ZNF184: variants seen among roughly 807,000 people sequenced by gnomAD.
ZNF184 encodes the protein zinc finger protein 184 (Kruppel-like).
A neutral mutation model predicts 54.4 loss-of-function variants in ZNF184; 16 were observed. The ratio of observed to expected loss-of-function variants is 0.29; its 90% CI spans 0.20 to 0.45. ZNF184 has a LOEUF of 0.45. Ranked by LOEUF, ZNF184 falls within the 20% of genes least tolerant of loss-of-function variation. ZNF184 has a pLI of 1.00. For missense variants in ZNF184, 681 were observed against 888.2 expected (o/e 0.77, Z 2.97); for synonymous variants, 254 against 295.3 (o/e 0.86, Z 1.43).
the ZNF184 span, among the ~76,000 whole-genome samples, chr6:27,442,856 AAGAAAG>A: frequency 2.5e-3 from 187 of 74,200 alleles, 20 homozygotes; most frequent in African/African-American, 7.7e-3. Flanking sequence ...GAAAGAAAGA[AAGAAAG>A]AAAGAAAGAA....
Position 27,456,860 on chromosome 6 carries a change from G to C in ZNF184, c.264C>G (p.Ile88Met). 6.2e-7 allele frequency: 1 copy of C among 1,614,130 alleles called. No homozygotes were observed. The highest frequency in any genetic ancestry group is 8.5e-7 in the Non-Finnish European group (1 of 1,180,018). ...SQLEQGTEPW[I>M]MEPSIPVGTC... Reference sequence around the variant, plus strand: ...TACCTACTGGAATGCTTGGCTCCATGATCCATGGCTCTGTCCCTTGCTCTA... The same window carrying C: ...TACCTACTGGAATGCTTGGCTCCATCATCCATGGCTCTGTCCCTTGCTCTA... Residue 88 changes from isoleucine (I) to methionine (M), a missense_variant, in exon 5 of 6, where the codon ATC becomes ATG. Transcript: ENST00000683788.
the ZNF184 span, among the ~76,000 whole-genome samples, chr6:27,423,740 A>T: frequency 3.3e-5 from 5 of 152,204 alleles, no homozygotes; most frequent in African/African-American, 1.2e-4. Context: ...TATACAAAGA[A>T]AGATTATGTG....
the ZNF184 span, among the ~76,000 whole-genome samples, chr6:27,417,787 GAACACTA>G: frequency 6.6e-6 from 1 of 152,148 alleles, no homozygotes; most frequent in Non-Finnish European, 1.5e-5. Flanking sequence ...TAGAAAACCT[GAACACTA>G]AACTATGTAT....
chr6:27,441,510 T>C, the ZNF184 span, among the ~76,000 whole-genome samples: 1 of 152,202 alleles, frequency 6.6e-6, no homozygotes, highest in Non-Finnish European at 1.5e-5. Flanking sequence ...CCACTGTATC[T>C]GGCCAGAACA....
chr6:27,452,674 TTGAG>T lies in ZNF184; in HGVS notation c.881_884del (p.Thr294AsnfsTer116). 1.2e-6 allele frequency: 2 copies of T among 1,613,988 alleles called. No homozygotes were observed. The highest frequency in any genetic ancestry group is 1.7e-6 in the Non-Finnish European group (2 of 1,179,974). ...TTTCTCCAGTATGAATTCTTTGATG[TTGAG>T]TAAGAGATGGACCCTCAATGAAGCC... is the stretch of plus-strand genomic sequence containing the variant. On this transcript the variant is annotated frameshift_variant, in exon 6 of 6. Transcript: ENST00000683788. LOFTEE classifies it high-confidence loss of function. The surrounding 1 kb of genome is among the most constrained non-coding windows in gnomAD (Gnocchi z 5.5).
the ZNF184 span, among the ~76,000 whole-genome samples, chr6:27,433,437 C>T: frequency 6.6e-6 from 1 of 152,184 alleles, no homozygotes; most frequent in African/African-American, 2.4e-5. Flanking sequence ...GCTGAGCAAT[C>T]ACCACTGTTC....
intron 3 of ZNF184, among the ~76,000 whole-genome samples, chr6:27,460,356 A>G (rs924555691): frequency 1.3e-5 from 2 of 152,224 alleles, no homozygotes; most frequent in African/African-American, 4.8e-5. Flanking sequence ...ATATTAAATC[A>G]TTAGGACTTT....
At chr6:27,416,683 C>A in the ZNF184 span, among the ~76,000 whole-genome samples, 1 of 152,188 alleles carries the variant, frequency 6.6e-6, no homozygotes, top group Non-Finnish European at 1.5e-5. Context: ...GAGTGTCAGC[C>A]TTTGCCAGTC....
the ZNF184 span, among the ~76,000 whole-genome samples, chr6:27,435,930 C>T: frequency 2.0e-5 from 3 of 152,104 alleles, no homozygotes; most frequent in African/African-American, 7.2e-5. Context: ...TCTTTATTTC[C>T]ATCTTGTGTC....
the ZNF184 span, among the ~76,000 whole-genome samples, chr6:27,439,150 A>T: frequency 6.6e-6 from 1 of 152,184 alleles, no homozygotes; most frequent in African/African-American, 2.4e-5. Context: ...TGAATGATTC[A>T]TAAGTACTTT....
At chr6:27,424,882 C>T in the ZNF184 span, among the ~76,000 whole-genome samples, 16 of 152,170 alleles carry the variant, frequency 1.1e-4, no homozygotes, top group Non-Finnish European at 2.2e-4. Context: ...CAGGGGGTGG[C>T]GCTCGTCGGG....
the ZNF184 span, among the ~76,000 whole-genome samples, chr6:27,423,857 T>C: frequency 6.6e-6 from 1 of 152,272 alleles, no homozygotes; most frequent in African/African-American, 2.4e-5. Flanking sequence ...AATGTAATTT[T>C]GAATTCTTAT....
rs1266931161 is a variant in ZNF184 at position 27,451,465 on chromosome 6, A to G, written c.2094T>C (p.Tyr698=). Reference sequence around the variant, plus strand: ...AAGTCTTTCTGCATTCATTACAGTTATAAGGTTTCTCTCCAGTATGAGTAT... The same window carrying G: ...AAGTCTTTCTGCATTCATTACAGTTGTAAGGTTTCTCTCCAGTATGAGTAT... ...HQNTHTGEKP[Y]NCNECRKTFS... is the part of the protein sequence containing the mutation. The change falls in exon 6 of 6, where the codon TAT becomes TAC. Residue 698 remains tyrosine, a synonymous_variant. Coordinates refer to ENST00000683788, the MANE Select transcript of ZNF184 (RefSeq NM_001318891.2). 1.2e-6 allele frequency: 2 copies of G among 1,614,010 alleles called. No individual in the cohort carries two copies. Among genetic ancestry groups the G allele is most frequent in the Admixed American group, 3.3e-5 (2 of 60,000 alleles).
In ZNF184 at chr6:27,457,386, C is replaced by G; in HGVS notation, c.99G>C (p.Val33=). The G allele has an allele frequency of 6.2e-7, 1 of 1,613,970 alleles. No individual in the cohort carries two copies. Among genetic ancestry groups the G allele is most frequent in the Non-Finnish European group, 8.5e-7 (1 of 1,179,926 alleles). The part of the protein sequence containing the change: ...SFQEAVTFKD[V]IVDFTQEEWK... The stretch of plus-strand genomic sequence containing the variant: ...ATTCTTCCTGGGTAAAGTCCACTAT[C>G]ACATCCTTGAAAGTCACCGCTTCCT... Residue 33 remains valine, a synonymous_variant, in exon 4 of 6, where the codon GTG becomes GTC. Coordinates refer to ENST00000683788, the MANE Select transcript of ZNF184 (RefSeq NM_001318891.2).
rs766732998 is a variant in ZNF184 at position 27,451,449 on chromosome 6, T to G, written c.2110A>C (p.Arg704=). 6.2e-7 allele frequency: 1 copy of G among 1,614,158 alleles called. No individual in the cohort carries two copies. Among genetic ancestry groups the G allele is most frequent in the Admixed American group, 1.7e-5 (1 of 60,024 alleles). ...GEKPYNCNEC[R]KTFSQSTYLI... is the part of the protein sequence containing the mutation. ...TATGTGCTCTGGCTAAAAGTCTTTC[T>G]GCATTCATTACAGTTATAAGGTTTC... The change falls in exon 6 of 6, where the codon AGA becomes CGA. Residue 704 remains arginine (R), a synonymous_variant. Transcript: ENST00000683788.
chr6:27,406,969 T>G, the ZNF184 span: 1 of 152,374 alleles, frequency 6.6e-6, no homozygotes, highest in Non-Finnish European at 1.5e-5. Flanking sequence ...TTCTCCACAC[T>G]TGCGGGGGAC....
At chr6:27,408,602 A>C in the ZNF184 span, among the ~76,000 whole-genome samples, 386 of 152,356 alleles carry the variant, frequency 2.5e-3, 2 homozygotes, top group Middle Eastern at 0.014. Flanking sequence ...CCAGCCCTCT[A>C]GCATTTTGGA....
chr6:27,424,204 G>A, the ZNF184 span, among the ~76,000 whole-genome samples: 1 of 152,178 alleles, frequency 6.6e-6, no homozygotes, highest in Non-Finnish European at 1.5e-5. Context: ...GTCTGGAGTT[G>A]TTCGTTCTTC....
At chr6:27,415,928 A>G in the ZNF184 span, among the ~76,000 whole-genome samples, 2 of 152,202 alleles carry the variant, frequency 1.3e-5, no homozygotes, top group African/African-American at 4.8e-5. Flanking sequence ...TGAAGGTGCC[A>G]TTAGGGATGC....
Sources: allele counts gnomAD v4.1 joint callset (sites outside exome capture counted in the v4.1 genomes callset), GRCh38; gene constraint gnomAD v4.1.1; non-coding constraint Gnocchi (gnomAD v3.1); transcripts MANE v1.5; gene names NCBI Gene and HGNC (gene_info 2026-07-23, HGNC 2026-07-21).